Variants in MAP3K5 observed in about 807,000 individuals in gnomAD.
MAP3K5 encodes the protein mitogen-activated protein kinase kinase kinase 5, also known as ASK-1.
A neutral mutation model predicts 158.7 loss-of-function variants in MAP3K5; 56 were observed. The observed-to-expected ratio is 0.35, with a 90% CI of 0.28 to 0.44. The LOEUF is 0.44. Ranked by LOEUF, MAP3K5 falls within the 20% of genes least tolerant of loss-of-function variation. The probability of loss-of-function intolerance (pLI) is 1.00; values close to 1 mark genes in which losing one functional copy is unlikely to be tolerated. For synonymous variants in MAP3K5, 579 were observed against 601.7 expected, an observed-to-expected ratio of 0.96 and a Z score of 0.55; for missense variants, 1,294 against 1,674.8, an observed-to-expected ratio of 0.77 and a Z score of 3.97.
In MAP3K5 at chr6:136,609,451, A is replaced by T. The variant is rs1280730495; in HGVS notation, c.2521+1831T>A. 1.3e-5 allele frequency among the ~76,000 whole-genome samples: 2 copies of T among 152,146 alleles called. No individual in the cohort carries two copies. Among genetic ancestry groups the T allele is most frequent in the Non-Finnish European group, 2.9e-5 (2 of 68,032 alleles). ...CTCCTGCAGGAAGGTAGAGAGAAAGATGGACTAGAGCCAGAAGGTAAAAGC... is the reference window on the plus strand; with the variant it reads ...CTCCTGCAGGAAGGTAGAGAGAAAGTTGGACTAGAGCCAGAAGGTAAAAGC... On this transcript the variant is annotated intron_variant, in intron 18 of 29. Transcript: ENST00000359015. The surrounding 1 kb of genome is among the most constrained non-coding windows in gnomAD (Gnocchi z 4.4).
At chr6:136,650,944 T>C in intron 11 of MAP3K5, 40 bp downstream of exon 11, 2 of 1,316,742 alleles carry the variant, frequency 1.5e-6, no homozygotes, top group Non-Finnish European at 2.2e-6. Context: ...GTAAAGTCCC[T>C]TGTTACTAAT....
At chr6:136,752,351 G>A (rs1052825307) in intron 1 of MAP3K5, among the ~76,000 whole-genome samples, 2 of 152,222 alleles carry the variant, frequency 1.3e-5, no homozygotes, top group Non-Finnish European at 1.5e-5. Context: ...AGCTCTTCCT[G>A]AGGAGGAAGG....
chr6:136,572,676 G>A (rs752858565), intron 25 of MAP3K5, among the ~76,000 whole-genome samples: 2 of 152,046 alleles, frequency 1.3e-5, no homozygotes, highest in African/African-American at 2.4e-5. Flanking sequence ...ATCATTTTAC[G>A]TATGTATATA....
intron 23 of MAP3K5, among the ~76,000 whole-genome samples, chr6:136,589,780 T>C (rs545705994): frequency 6.6e-6 from 1 of 152,282 alleles, no homozygotes; most frequent in South Asian, 2.1e-4. Context: ...ATCTGCAAGC[T>C]AAGCAGATAG....
Position 136,701,060 on chromosome 6 carries a change from C to T in MAP3K5, c.613-2378G>A, listed in dbSNP as rs1780833950. On this transcript the variant is annotated intron_variant, in intron 3 of 29. Transcript: ENST00000359015. ...ACAACCTACAAAGAAGCTGCTGTGG[C>T]CTTCATTTTAAAAGTGAGGAGACAG... Among the ~76,000 whole-genome samples, 4 of 152,298 alleles carry T rather than the reference C, an allele frequency of 2.6e-5. No individual in the cohort carries two copies. The South Asian group carries it at 8.3e-4, about 32-fold the overall frequency.
chr6:136,694,262 G>A lies in MAP3K5; in HGVS notation c.1131C>T (p.Pro377=), dbSNP rs1303689561. 4 of 1,613,304 alleles carry A rather than the reference G, an allele frequency of 2.5e-6. No individual in the cohort carries two copies. Among genetic ancestry groups the A allele is most frequent in the East Asian group, 2.2e-5 (1 of 44,810 alleles). Residue 377 remains proline, a synonymous_variant, in exon 7 of 30, where the codon CCC becomes CCT. Coordinates refer to ENST00000359015, the MANE Select transcript of MAP3K5 (RefSeq NM_005923.4). ...DRAKALDIMI[P]MVQSEGQVAS... The stretch of plus-strand genomic sequence containing the variant: ...CAACTTGTCCTTCGCTTTGCACCAT[G>A]GGAATCATAATATCAAGAGCTTTTG...
At chr6:136,783,923 A>C (rs1299523335) in intron 1 of MAP3K5, among the ~76,000 whole-genome samples, 1 of 152,194 alleles carries the variant, frequency 6.6e-6, no homozygotes, top group East Asian at 1.9e-4. Flanking sequence ...ACTGCTCCAC[A>C]AAGAAAGTGT....
intron 1 of MAP3K5, among the ~76,000 whole-genome samples, chr6:136,743,120 C>G (rs149291091): frequency 6.6e-6 from 1 of 150,606 alleles, no homozygotes; most frequent in African/African-American, 2.4e-5. Flanking sequence ...ACAAAAGATG[C>G]TCAACATCAT....
At chr6:136,717,191 A>G (rs1781567366) in intron 2 of MAP3K5, among the ~76,000 whole-genome samples, 1 of 152,198 alleles carries the variant, frequency 6.6e-6, no homozygotes, top group Non-Finnish European at 1.5e-5. Context: ...CATTCTTAGT[A>G]CAACAAAATA....
At chr6:136,710,069 A>G (rs544931454) in intron 2 of MAP3K5, among the ~76,000 whole-genome samples, 1 of 152,340 alleles carries the variant, frequency 6.6e-6, no homozygotes, top group East Asian at 1.9e-4. Context: ...ATGTAACCTT[A>G]AAGGAGGCAT....
chr6:136,723,844 G>C (rs1401407469), intron 1 of MAP3K5, among the ~76,000 whole-genome samples: 4 of 152,062 alleles, frequency 2.6e-5, no homozygotes, highest in African/African-American at 9.7e-5. Context: ...CCCCCTCAAG[G>C]CTAAAAATGA....
intron 1 of MAP3K5, among the ~76,000 whole-genome samples, chr6:136,789,784 G>A (rs952753547): frequency 1.4e-5 from 2 of 146,142 alleles, no homozygotes; most frequent in African/African-American, 5.1e-5. Flanking sequence ...TGCCTCCCAG[G>A]TTCAAGTGAT....
chr6:136,713,370 G>T (rs767802853), intron 2 of MAP3K5, among the ~76,000 whole-genome samples: 3 of 152,156 alleles, frequency 2.0e-5, no homozygotes, highest in Non-Finnish European at 4.4e-5. Context: ...TGGTTAAAGA[G>T]GTATCAGGAA....
At chr6:136,789,267 G>GA (rs1784970794) in intron 1 of MAP3K5, among the ~76,000 whole-genome samples, 1 of 152,214 alleles carries the variant, frequency 6.6e-6, no homozygotes, top group Non-Finnish European at 1.5e-5. Context: ...CCATGATCAT[G>GA]CCACTGCACT....
intron 25 of MAP3K5, among the ~76,000 whole-genome samples, chr6:136,570,098 G>A (rs765763650): frequency 2.6e-5 from 4 of 152,028 alleles, no homozygotes; most frequent in African/African-American, 7.2e-5. Context: ...AGCCTCTCCC[G>A]AGTCCATGAA....
At chr6:136,785,225 T>G (rs540047998) in intron 1 of MAP3K5, among the ~76,000 whole-genome samples, 31 of 152,322 alleles carry the variant, frequency 2.0e-4, no homozygotes, top group Middle Eastern at 3.4e-3. Flanking sequence ...GGAGCTTTGC[T>G]GGAAGCAAGT....
chr6:136,751,953 A>T (rs1783228944), intron 1 of MAP3K5, among the ~76,000 whole-genome samples: 1 of 152,200 alleles, frequency 6.6e-6, no homozygotes, highest in Admixed American at 6.5e-5. Flanking sequence ...GATTCTAGTT[A>T]AATTTATAGA....
chr6:136,718,883 C>T (rs929947817), intron 2 of MAP3K5, among the ~76,000 whole-genome samples: 2 of 152,174 alleles, frequency 1.3e-5, no homozygotes, highest in Non-Finnish European at 2.9e-5. Flanking sequence ...TAAACTTAAT[C>T]TATCTAGGTG....
intron 1 of MAP3K5, among the ~76,000 whole-genome samples, chr6:136,734,209 A>C (rs868720475): frequency 6.6e-6 from 1 of 152,074 alleles, no homozygotes; most frequent in Non-Finnish European, 1.5e-5. Flanking sequence ...ACCTGAGGTC[A>C]GGAGTTCGAG....
Sources: gnomAD v4.1 joint callset for allele counts (sites outside exome capture counted in the v4.1 genomes callset) on GRCh38, gnomAD v4.1.1 for gene constraint, Gnocchi (gnomAD v3.1) non-coding constraint, MANE v1.5 for transcripts, NCBI Gene and HGNC (gene_info 2026-07-23, HGNC 2026-07-21) for gene names.